OCLN: variants seen among roughly 807,000 people sequenced by gnomAD.
The protein encoded by OCLN is phosphatase 1, regulatory subunit 115.
OCLN carries 21 observed loss-of-function variants against 47.9 expected under a neutral mutation model. The observed-to-expected ratio is 0.44, with a 90% confidence interval of 0.31 to 0.63. The LOEUF is 0.63. Among genes scored for constraint, OCLN ranks in the 30% least tolerant of loss-of-function variants. The pLI is 0.08. For missense variants in OCLN, 360 were observed against 571.0 expected, an observed-to-expected ratio of 0.63 and a Z score of 3.77; for synonymous variants, 117 against 198.4, an observed-to-expected ratio of 0.59 and a Z score of 3.45.
intron 4 of OCLN, among the ~76,000 whole-genome samples, chr5:69,520,855 A>G (rs1467916494): frequency 6.6e-6 from 1 of 150,966 alleles, no homozygotes; most frequent in African/African-American, 2.4e-5. Flanking sequence ...ATTTGGTGGG[A>G]TTTTTGTTTT....
intron 4 of OCLN, among the ~76,000 whole-genome samples, chr5:69,527,174 G>A (rs1050078548): frequency 2.2e-4 from 33 of 152,276 alleles, no homozygotes; most frequent in African/African-American, 7.9e-4. Context: ...CTACTCAGGA[G>A]GCTGAGGCAG....
chr5:69,517,570 C>T (rs1272218465), intron 4 of OCLN, among the ~76,000 whole-genome samples: 1 of 152,098 alleles, frequency 6.6e-6, no homozygotes, highest in Non-Finnish European at 1.5e-5. Flanking sequence ...GCCTTGGCCT[C>T]CCAAAGTGCT....
intron 1 of OCLN, among the ~76,000 whole-genome samples, chr5:69,503,566 T>C (rs1290547342): frequency 1.3e-5 from 2 of 152,226 alleles, no homozygotes; most frequent in Non-Finnish European, 2.9e-5. Context: ...TGTAGGCACT[T>C]AATAAATGCT....
At chr5:69,511,127 T>C (rs1310918131) in intron 3 of OCLN, among the ~76,000 whole-genome samples, 1 of 151,990 alleles carries the variant, frequency 6.6e-6, no homozygotes, top group Non-Finnish European at 1.5e-5. Context: ...CAGGCTGGAG[T>C]GCAGTGGTGT....
intron 7 of OCLN, among the ~76,000 whole-genome samples, chr5:69,549,340 C>CAAAA (rs1172698181): frequency 5.0e-4 from 26 of 51,522 alleles, no homozygotes; most frequent in East Asian, 1.3e-3. Flanking sequence ...GACTCCATCT[C>CAAAA]AAAAAAAAAA....
intron 4 of OCLN, among the ~76,000 whole-genome samples, chr5:69,523,967 G>A (rs913412874): frequency 4.6e-5 from 7 of 152,164 alleles, no homozygotes; most frequent in African/African-American, 7.2e-5. Flanking sequence ...TGGCCAACAT[G>A]GTGAAACCCT....
intron 1 of OCLN, among the ~76,000 whole-genome samples, chr5:69,499,377 T>C (rs1423582077): frequency 6.6e-6 from 1 of 152,204 alleles, no homozygotes. Flanking sequence ...ACCTGCCCTG[T>C]AATTTTTAAT....
At chr5:69,509,867 T>C in intron 3 of OCLN, 48 bp downstream of exon 3, 2 of 1,359,378 alleles carry the variant, frequency 1.5e-6, no homozygotes, top group Non-Finnish European at 2.1e-6. Context: ...AGCAGAGGCC[T>C]TCAACTTGAG....
At position 69,505,040 on chromosome 5, in the gene OCLN, G is replaced by A. The variant is rs77714031; in HGVS notation, c.50+746G>A. On this transcript the variant is annotated intron_variant, in intron 2 of 8. Transcript: ENST00000396442. ...CGAGGCGGGTGGATCACCTGAGGTC[G>A]GGAGTTTAAGACCATCCTGACCAAC... Among the ~76,000 whole-genome samples, 9 of 152,142 alleles carry A rather than the reference G, an allele frequency of 5.9e-5. No homozygotes were observed. In the East Asian group the frequency reaches 1.4e-3, roughly 23 times the overall value.
At chr5:69,498,494 CAA>C (rs970136659) in intron 1 of OCLN, among the ~76,000 whole-genome samples, 6 of 129,610 alleles carry the variant, frequency 4.6e-5, no homozygotes, top group African/African-American at 8.6e-5. Flanking sequence ...ACTCCTGTCT[CAA>C]AAAAAAAAAA....
chr5:69,525,589 T>A (rs1376101956), intron 4 of OCLN, among the ~76,000 whole-genome samples: 2 of 152,216 alleles, frequency 1.3e-5, no homozygotes, highest in Non-Finnish European at 2.9e-5. Flanking sequence ...TTTTCTCTTC[T>A]ACTTTTTACC....
intron 4 of OCLN, among the ~76,000 whole-genome samples, chr5:69,528,133 G>C (rs1271893588): frequency 6.6e-6 from 1 of 152,050 alleles, no homozygotes; most frequent in East Asian, 1.9e-4. Flanking sequence ...CTTTCCAGTC[G>C]ATTTTGAAGC....
intron 1 of OCLN, among the ~76,000 whole-genome samples, chr5:69,498,807 G>A (rs961561046): frequency 1.3e-5 from 2 of 152,014 alleles, no homozygotes; most frequent in Non-Finnish European, 2.9e-5. Context: ...AGCCTCCTGA[G>A]TAGCTGGGAT....
rs1768629766 is a variant in OCLN at position 69,507,167 on chromosome 5, C to T, written c.51-1974C>T. Among the ~76,000 whole-genome samples, 3 of 152,214 alleles carry T rather than the reference C, an allele frequency of 2.0e-5. No homozygotes were observed. The South Asian group carries it at 6.2e-4, about 31-fold the overall frequency. On this transcript the variant is annotated intron_variant, in intron 2 of 8. Transcript: ENST00000396442. ...TATTTATTTTTGAGACAGACTCTCACTTTGTTGCCCAGGCTGGAGTGCAGT... is the reference window on the plus strand; with the variant it reads ...TATTTATTTTTGAGACAGACTCTCATTTTGTTGCCCAGGCTGGAGTGCAGT...
chr5:69,525,934 C>T (rs2112034816), intron 4 of OCLN, among the ~76,000 whole-genome samples: 1 of 152,262 alleles, frequency 6.6e-6, no homozygotes, highest in Non-Finnish European at 1.5e-5. Context: ...CCGAGTGAAC[C>T]TTCTCACCGT....
intron 4 of OCLN, 25 bp downstream of exon 4, chr5:69,514,134 A>G: frequency 6.2e-7 from 1 of 1,605,602 alleles, no homozygotes; most frequent in Non-Finnish European, 8.5e-7. Flanking sequence ...ATAACTTTAC[A>G]TCTTTTATTA....
At chr5:69,536,340 C>G (rs1769584580) in intron 5 of OCLN, among the ~76,000 whole-genome samples, 1 of 143,976 alleles carries the variant, frequency 6.9e-6, no homozygotes, top group Non-Finnish European at 1.5e-5. Context: ...CTTTCTATAA[C>G]TTTAATTTTT....
At chr5:69,524,006 G>A (rs564873085) in intron 4 of OCLN, among the ~76,000 whole-genome samples, 6 of 152,062 alleles carry the variant, frequency 3.9e-5, no homozygotes, top group Non-Finnish European at 8.8e-5. Flanking sequence ...AAAATTAGCT[G>A]GGCCTGGTGG....
In OCLN at chr5:69,494,232, T is replaced by TCCC. The variant is rs1463747032; in HGVS notation, c.-69+1335_-69+1337dup. On this transcript the variant is annotated intron_variant, in intron 1 of 8. Coordinates refer to ENST00000396442, the MANE Select transcript of OCLN (RefSeq NM_001205254.2). Reference sequence around the variant, plus strand: ...TTTTCCGAGACGGAGTCTGGCTCTGTCCCCCAGTGCAGTGGCATCATCTGG... The same window carrying TCCC: ...TTTTCCGAGACGGAGTCTGGCTCTGTCCCCCCCCAGTGCAGTGGCATCATCTGG... Among the ~76,000 whole-genome samples the TCCC allele has an allele frequency of 2.0e-5, 3 of 152,136 alleles. No homozygotes were observed. In the South Asian group the frequency reaches 6.2e-4, roughly 32 times the overall value.
Sources: gnomAD v4.1 joint callset for allele counts (sites outside exome capture counted in the v4.1 genomes callset) on GRCh38, gnomAD v4.1.1 for gene constraint, MANE v1.5 for transcripts, NCBI Gene and HGNC (gene_info 2026-07-23, HGNC 2026-07-21) for gene names.